LMLN: variants seen among roughly 807,000 people sequenced by gnomAD.
LMLN encodes the protein leishmanolysin like peptidase.
A neutral mutation model predicts 92.3 loss-of-function variants in LMLN; 70 were observed. The ratio of observed to expected loss-of-function variants is 0.76; its 90% confidence interval spans 0.63 to 0.92. The LOEUF is 0.92. LMLN is among the 40% of genes least tolerant of loss of function. LMLN has a pLI of 0.00. For missense variants in LMLN, 691 were observed against 814.6 expected (o/e 0.85, Z 1.85); for synonymous variants, 308 against 296.2 (o/e 1.04, Z -0.41).
At chr3:198,032,878 G>C (rs1215150094) in intron 14 of LMLN, among the ~76,000 whole-genome samples, 1 of 152,234 alleles carries the variant, frequency 6.6e-6, no homozygotes, top group Non-Finnish European at 1.5e-5. Context: ...CAGTGAGGGA[G>C]AGGAATGCTG....
chr3:197,960,271 T>C (rs1003711388), exon 1 of LMLN: 18 of 1,610,456 alleles, frequency 1.1e-5, no homozygotes, highest in Non-Finnish European at 1.2e-5. Context: ...GGCGGAGGAG[T>C]GGGTTACTCG....
At chr3:198,039,697 T>G (rs1263196983) in exon 16 of LMLN, 1 of 152,244 alleles carries the variant, frequency 6.6e-6, no homozygotes, top group African/African-American at 2.4e-5. Context: ...TTAAATCTTA[T>G]GATTTAACCG....
intron 14 of LMLN, among the ~76,000 whole-genome samples, chr3:198,034,098 A>G (rs1016444322): frequency 2.0e-5 from 3 of 152,236 alleles, no homozygotes; most frequent in Admixed American, 6.5e-5. Context: ...AGGTTAGTCA[A>G]CTACCTTTGC....
chr3:197,970,585 G>A (rs1721195810), intron 1 of LMLN, among the ~76,000 whole-genome samples: 1 of 152,164 alleles, frequency 6.6e-6, no homozygotes, highest in South Asian at 2.1e-4. Context: ...GTTTTTATTG[G>A]AGGCTGGTCA....
At chr3:198,013,868 G>T (rs1257429721) in intron 11 of LMLN, among the ~76,000 whole-genome samples, 1 of 129,316 alleles carries the variant, frequency 7.7e-6, no homozygotes, top group East Asian at 2.2e-4. Flanking sequence ...TGACTTCTCT[G>T]TACCCTTCAG....
chr3:197,968,640 G>A lies in LMLN; in HGVS notation c.220-5737G>A, dbSNP rs191159841. Among the ~76,000 whole-genome samples the A allele has an allele frequency of 5.3e-3, 806 of 152,120 alleles. 6 individuals are homozygous for A. Among genetic ancestry groups the A allele is most frequent in the African/African-American group, 0.018 (753 of 41,482 alleles). ...TCTTCACAATTTATGTTCCTCTGCC[G>A]CGCCTCCAGCCGGTCCCTCCGTTCA... On this transcript the variant is annotated intron_variant, in intron 1 of 15. Transcript: ENST00000330198.
intron 8 of LMLN, among the ~76,000 whole-genome samples, chr3:197,988,735 G>A (rs1319254024): frequency 3.3e-5 from 5 of 152,086 alleles, no homozygotes; most frequent in Admixed American, 3.3e-4. Flanking sequence ...AGGCTGGAGT[G>A]CTGTGGCGCG....
chr3:197,968,211 A>G (rs1721115061), intron 1 of LMLN, among the ~76,000 whole-genome samples: 1 of 152,230 alleles, frequency 6.6e-6, no homozygotes, highest in Non-Finnish European at 1.5e-5. Flanking sequence ...TTATGCCTGT[A>G]ATCCCAGCAA....
Position 197,979,072 on chromosome 3 carries a change from A to G in LMLN, c.550-1254A>G, listed in dbSNP as rs142119373. Among the ~76,000 whole-genome samples, 214 of 152,344 alleles carry G rather than the reference A, an allele frequency of 1.4e-3. 1 individual carries two copies. In the East Asian group the frequency reaches 0.024, roughly 17 times the overall value. Reference sequence around the variant, plus strand: ...TCATTAACCATAGTCACTGTGCTTTACAACAGAACTCTTGAACTTATTCCT... The same window carrying G: ...TCATTAACCATAGTCACTGTGCTTTGCAACAGAACTCTTGAACTTATTCCT... On this transcript the variant is annotated intron_variant, in intron 5 of 15. Coordinates refer to ENST00000330198, the Ensembl canonical transcript of LMLN.
At chr3:197,980,764 C>T (rs1298518949) in intron 6 of LMLN, 3 of 340,272 alleles carry the variant, frequency 8.8e-6, no homozygotes, top group South Asian at 9.9e-5. Flanking sequence ...TGCCGTTCCT[C>T]TTCCATTTTG....
In LMLN at chr3:197,971,603, G is replaced by A. The variant is rs145346554; in HGVS notation, c.220-2774G>A. 2.7e-3 allele frequency among the ~76,000 whole-genome samples: 404 copies of A among 152,092 alleles called. 4 individuals are homozygous for A. The highest frequency in any genetic ancestry group is 8.7e-3 in the African/African-American group (361 of 41,478). On this transcript the variant is annotated intron_variant, in intron 1 of 15. Transcript: ENST00000330198. ...CCTGGTTGTTGTTTGTTTGTTTTTG[G>A]GGACAAAGTCTCACTCTGTTGCCCA...
intron 10 of LMLN, among the ~76,000 whole-genome samples, chr3:197,998,653 C>T (rs1298426368): frequency 6.6e-6 from 1 of 152,074 alleles, no homozygotes; most frequent in Non-Finnish European, 1.5e-5. Flanking sequence ...CAGAACTGTC[C>T]AAAGATGAAA....
intron 15 of LMLN, among the ~76,000 whole-genome samples, chr3:198,036,748 G>C (rs1281315179): frequency 2.0e-5 from 3 of 152,208 alleles, no homozygotes; most frequent in Non-Finnish European, 1.5e-5. Context: ...GCATTGCTGA[G>C]AGTATAAAAG....
intron 9 of LMLN, among the ~76,000 whole-genome samples, chr3:197,992,152 G>T (rs1721893271): frequency 6.7e-6 from 1 of 149,856 alleles, no homozygotes; most frequent in Non-Finnish European, 1.5e-5. Flanking sequence ...TTCTTTCTCT[G>T]TGTGTACATA....
At chr3:197,962,538 A>G (rs1258567067) in intron 1 of LMLN, among the ~76,000 whole-genome samples, 4 of 152,188 alleles carry the variant, frequency 2.6e-5, no homozygotes, top group African/African-American at 9.7e-5. Context: ...AATGTTTATA[A>G]AAAATACTAA....
intron 10 of LMLN, among the ~76,000 whole-genome samples, chr3:197,998,995 T>G (rs1722100336): frequency 6.6e-6 from 1 of 152,222 alleles, no homozygotes; most frequent in African/African-American, 2.4e-5. Context: ...TCCATATAGA[T>G]TTATCTTCAT....
Position 198,019,520 on chromosome 3 carries a change from G to A in LMLN, c.1365+135G>A. 1.2e-6 allele frequency: 1 copy of A among 834,936 alleles called. No individual in the cohort carries two copies. The highest frequency in any genetic ancestry group is 3.4e-5 in the Admixed American group (1 of 29,530). The allele number at this position is 834,936 out of a possible 1,614,324, so 51.7% of individuals were successfully genotyped here. A position where few individuals can be genotyped will look rare whatever the true frequency, so the allele number is the denominator to read the frequency against. On this transcript the variant is annotated intron_variant, in intron 12 of 15. Coordinates refer to ENST00000330198, the Ensembl canonical transcript of LMLN. The surrounding 1 kb of genome is among the most constrained non-coding windows in gnomAD (Gnocchi z 5.5). ...GTTTTCTGTAAGTTAGAAAAAAATG[G>A]AATAATGCTTCCATTTCTTTAAAAC...
chr3:198,033,497 A>G (rs575033013), intron 14 of LMLN, among the ~76,000 whole-genome samples: 2 of 152,000 alleles, frequency 1.3e-5, no homozygotes, highest in East Asian at 1.9e-4. Context: ...GCTCACTGCA[A>G]CCTCGGCCTC....
At chr3:198,012,560 G>C (rs1316112820) in intron 11 of LMLN, among the ~76,000 whole-genome samples, 1 of 151,936 alleles carries the variant, frequency 6.6e-6, no homozygotes, top group Non-Finnish European at 1.5e-5. Flanking sequence ...CCCCTAACTA[G>C]TCTGACTTCT....
Sources: allele counts gnomAD v4.1 joint callset (sites outside exome capture counted in the v4.1 genomes callset), GRCh38; gene constraint gnomAD v4.1.1; non-coding constraint Gnocchi (gnomAD v3.1); transcripts MANE v1.5; gene names NCBI Gene and HGNC (gene_info 2026-07-23, HGNC 2026-07-21).